Variants in LCOR observed in about 807,000 individuals in gnomAD.
The protein encoded by LCOR is ligand dependent nuclear receptor corepressor, also known as ligand-dependent corepressor.
In LCOR, 14 loss-of-function variants were observed where a neutral mutation model predicts 64.4. The ratio of observed to expected loss-of-function variants is 0.22; its 90% CI spans 0.14 to 0.34. The LOEUF (loss-of-function observed/expected upper bound fraction) is 0.34, where lower values mean the gene tolerates loss of function less well. Ranked by LOEUF, LCOR falls within the 10% of genes least tolerant of loss-of-function variation. The pLI is 1.00. For synonymous variants in LCOR, 643 were observed against 642.5 expected, an observed-to-expected ratio of 1.00 and a Z score of -0.01; for missense variants, 1,686 against 1,765.3, an observed-to-expected ratio of 0.96 and a Z score of 0.80.
chr10:96,866,274 C>A (rs1237263224), intron 2 of LCOR, among the ~76,000 whole-genome samples: 1 of 152,206 alleles, frequency 6.6e-6, no homozygotes, highest in African/African-American at 2.4e-5. Context: ...CCTTCCCTTA[C>A]CCCAGCCATA....
intron 2 of LCOR, among the ~76,000 whole-genome samples, chr10:96,865,698 A>G (rs2134398125): frequency 6.6e-6 from 1 of 152,098 alleles, no homozygotes; most frequent in South Asian, 2.1e-4. Context: ...AACATGGGGA[A>G]CCCTGTCTCT....
intron 4 of LCOR, among the ~76,000 whole-genome samples, chr10:96,912,834 T>G (rs1564623572): frequency 6.6e-6 from 1 of 152,214 alleles, no homozygotes; most frequent in Non-Finnish European, 1.5e-5. Context: ...CCATAATTTC[T>G]TCTACATTTA....
At chr10:96,930,009 TA>T (rs1453215829) in intron 4 of LCOR, among the ~76,000 whole-genome samples, 2 of 152,104 alleles carry the variant, frequency 1.3e-5, no homozygotes, top group Admixed American at 6.5e-5. Flanking sequence ...TACAGTAACA[TA>T]AAAAATCACT....
intron 4 of LCOR, among the ~76,000 whole-genome samples, chr10:96,928,232 C>G (rs535045370): frequency 3.9e-5 from 6 of 152,182 alleles, no homozygotes; most frequent in Middle Eastern, 3.2e-3. Flanking sequence ...AGTAGAACTT[C>G]TTTCAAAATT....
At chr10:96,954,868 C>A in intron 7 of LCOR, 1 of 955,158 alleles carries the variant, frequency 1.0e-6, no homozygotes, top group African/African-American at 1.6e-5. Context: ...CCAAGCAAGG[C>A]CTTCTAATAA....
intron 7 of LCOR, among the ~76,000 whole-genome samples, chr10:96,954,691 A>G (rs900714227): frequency 6.6e-6 from 1 of 152,138 alleles, no homozygotes; most frequent in African/African-American, 2.4e-5. Context: ...TTGTGAACCC[A>G]ACCAGAGACC....
intron 7 of LCOR, chr10:96,956,189 A>T (rs1320591854): frequency 8.4e-7 from 1 of 1,193,490 alleles, no homozygotes; most frequent in Non-Finnish European, 1.0e-6. Flanking sequence ...GAACAGATAC[A>T]TGGAAGTGGA....
intron 2 of LCOR, among the ~76,000 whole-genome samples, chr10:96,867,578 CAG>C (rs1564608769): frequency 6.6e-6 from 1 of 151,986 alleles, no homozygotes; most frequent in East Asian, 1.9e-4. Context: ...GCCTGGGTGA[CAG>C]AGTGAAATTC....
At chr10:96,882,063 T>C (rs1589628854) in intron 2 of LCOR, among the ~76,000 whole-genome samples, 1 of 152,180 alleles carries the variant, frequency 6.6e-6, no homozygotes, top group African/African-American at 2.4e-5. Flanking sequence ...CTCTTAAAAA[T>C]TATTGAGCTC....
rs1470096566 is a variant in LCOR, at chr10:96,987,522, C to T, written c.*2388C>T. On this transcript the variant is annotated 3_prime_UTR_variant, in exon 8 of 8. Coordinates refer to ENST00000421806, the MANE Select transcript of LCOR (RefSeq NM_001346516.2). ...TAATAGCCTTCTTTCCCATTCTAGGCTGTGTGTGAGAAAAGGTGTTAATGT... is the reference window on the plus strand; with the variant it reads ...TAATAGCCTTCTTTCCCATTCTAGGTTGTGTGTGAGAAAAGGTGTTAATGT... The T allele has an allele frequency of 6.6e-6, 1 of 152,152 alleles. No homozygotes were observed. Among genetic ancestry groups the T allele is most frequent in the African/African-American group, 2.4e-5 (1 of 41,432 alleles). 9.4% of individuals were successfully genotyped at this position (152,152 alleles called of 1,614,324 possible).
chr10:96,971,233 C>T (rs576512710), intron 7 of LCOR, among the ~76,000 whole-genome samples: 43 of 152,258 alleles, frequency 2.8e-4, no homozygotes, highest in Non-Finnish European at 5.7e-4. Flanking sequence ...TTCCCTGCCT[C>T]GTTGAACTCA....
chr10:96,961,955 G>A (rs775573130), intron 7 of LCOR: 1 of 151,308 alleles, frequency 6.6e-6, no homozygotes, highest in Non-Finnish European at 1.5e-5. Context: ...CATTAAGAAA[G>A]CGCTTGTCCA....
intron 7 of LCOR, chr10:96,955,030 A>G: frequency 6.2e-7 from 1 of 1,614,064 alleles, no homozygotes; most frequent in East Asian, 2.2e-5. Flanking sequence ...AGCTTACAGG[A>G]TGGAACCAGG....
At chr10:96,844,600 C>T (rs1466021861) in intron 2 of LCOR, among the ~76,000 whole-genome samples, 1 of 152,070 alleles carries the variant, frequency 6.6e-6, no homozygotes. Context: ...TTTGTGTTTC[C>T]TTTTTTCTTT....
At chr10:96,864,332 G>A (rs1452594816) in intron 2 of LCOR, among the ~76,000 whole-genome samples, 2 of 152,132 alleles carry the variant, frequency 1.3e-5, no homozygotes, top group Non-Finnish European at 2.9e-5. Context: ...TCAAATAAAG[G>A]TGTATTGACT....
Position 96,984,040 on chromosome 10 carries a change from C to T in LCOR, c.3580C>T (p.Arg1194Trp), listed in dbSNP as rs137993125. Residue 1194 changes from arginine to tryptophan, a missense_variant, in exon 8 of 8, where the codon CGG becomes TGG. Physicochemically the swap from Arg to Trp is moderately radical, Grantham distance 101. Coordinates refer to ENST00000421806, the MANE Select transcript of LCOR (RefSeq NM_001346516.2). ...CKWFLETTETRSLVIVKKLNT... is the reference protein window; with the variant it reads ...CKWFLETTETWSLVIVKKLNT... The stretch of plus-strand genomic sequence containing the variant: ...ATGGTTCTTAGAGACAACTGAAACC[C>T]GGTCTCTAGTCATTGTGAAGAAGCT... 6.2e-7 allele frequency: 1 copy of T among 1,613,826 alleles called. No individual in the cohort carries two copies. The highest frequency in any genetic ancestry group is 1.1e-5 in the South Asian group (1 of 91,012).
At position 96,993,427 on chromosome 10, in the gene LCOR, G is replaced by A. The variant is rs1220670488; in HGVS notation, c.*8293G>A. 6.6e-6 allele frequency: 1 copy of A among 152,168 alleles called. No homozygotes were observed. The highest frequency in any genetic ancestry group is 1.5e-5 in the Non-Finnish European group (1 of 68,032). The allele number at this position is 152,168 out of a possible 1,614,324, so 9.4% of individuals were successfully genotyped here. ...TGCCAGGGAATTTAGCACTGAACTAGACAGTCAAAACTTTTTTAACTTTGC... is the reference window on the plus strand; with the variant it reads ...TGCCAGGGAATTTAGCACTGAACTAAACAGTCAAAACTTTTTTAACTTTGC... On this transcript the variant is annotated 3_prime_UTR_variant, in exon 8 of 8. Transcript: ENST00000421806.
chr10:96,874,528 C>T (rs1030636699), intron 2 of LCOR, among the ~76,000 whole-genome samples: 25 of 152,144 alleles, frequency 1.6e-4, no homozygotes, highest in African/African-American at 4.1e-4. Context: ...AGTAACTGAC[C>T]GAGCAGTCAT....
intron 2 of LCOR, among the ~76,000 whole-genome samples, chr10:96,868,448 G>C (rs1194896592): frequency 6.6e-6 from 1 of 151,060 alleles, no homozygotes; most frequent in Non-Finnish European, 1.5e-5. Context: ...CTAATTTTTT[G>C]TATTTTTAGT....
Sources: gnomAD v4.1 joint callset for allele counts (sites outside exome capture counted in the v4.1 genomes callset) on GRCh38, gnomAD v4.1.1 for gene constraint, MANE v1.5 for transcripts, NCBI Gene and HGNC (gene_info 2026-07-23, HGNC 2026-07-21) for gene names.